The following ACOT7 variants were observed in gnomAD, a reference collection of about 807,000 sequenced individuals.
ACOT7 encodes acyl-CoA thioesterase 7, also known as cytosolic acyl coenzyme A thioester hydrolase.
Under a neutral mutation model 40.2 loss-of-function variants are expected in ACOT7, and 12 were observed. That is an observed-to-expected ratio of 0.30 (90% CI 0.19 to 0.48). The LOEUF (loss-of-function observed/expected upper bound fraction) is 0.48. Among genes scored for constraint, ACOT7 ranks in the 20% least tolerant of loss-of-function variants. The probability of loss-of-function intolerance (pLI) is 0.99; values close to 1 mark genes in which losing one functional copy is unlikely to be tolerated. For missense variants in ACOT7, 395 were observed against 530.8 expected (o/e 0.74, Z 2.51); for synonymous variants, 228 against 219.5 (o/e 1.04, Z -0.34).
intron 1 of ACOT7, chr1:6,360,729 A>C: frequency 6.2e-7 from 1 of 1,606,556 alleles, no homozygotes; most frequent in Non-Finnish European, 8.5e-7. Context: ...CTGGGCCCCA[A>C]TACTGTGCCC....
intron 8 of ACOT7, among the ~76,000 whole-genome samples, chr1:6,269,306 C>A (rs572866550): frequency 4.6e-5 from 7 of 152,206 alleles, no homozygotes; most frequent in Non-Finnish European, 1.0e-4. Context: ...AGCGTGTCCA[C>A]GATGAACCAG....
At position 6,332,061 on chromosome 1, in the gene ACOT7, A is replaced by G. The variant is rs556350613; in HGVS notation, c.510+1416T>C. On this transcript the variant is annotated intron_variant, in intron 4 of 8. Transcript: ENST00000361521. ...GCACCCGGCAAACGCTGGGGAGGGA[A>G]CCAAGGCTGCCGGCAGCGGCAAGAG... Among the ~76,000 whole-genome samples, 460 of 152,272 alleles carry G rather than the reference A, an allele frequency of 3.0e-3. 2 individuals are homozygous for G. Among genetic ancestry groups the G allele is most frequent in the African/African-American group, 9.9e-3 (410 of 41,586 alleles).
intron 1 of ACOT7, among the ~76,000 whole-genome samples, chr1:6,363,698 T>C (rs1233437611): frequency 3.3e-5 from 5 of 152,106 alleles, no homozygotes; most frequent in Non-Finnish European, 5.9e-5. Flanking sequence ...TTACCTATCA[T>C]TGGAGATGAT....
chr1:6,343,387 T>C (rs918825185), intron 2 of ACOT7, among the ~76,000 whole-genome samples: 4 of 152,226 alleles, frequency 2.6e-5, no homozygotes, highest in Admixed American at 2.0e-4. Context: ...TCTGAGCCCT[T>C]TCCCAGGTGA....
chr1:6,308,558 G>A (rs1175774071), intron 6 of ACOT7, among the ~76,000 whole-genome samples: 7 of 150,908 alleles, frequency 4.6e-5, no homozygotes, highest in Admixed American at 4.6e-4. Context: ...GCCACAGGCG[G>A]AGGGAACAGC....
chr1:6,274,523 C>T lies in ACOT7; in HGVS notation c.1014+6579G>A, dbSNP rs1405338805. Among the ~76,000 whole-genome samples, 2 of 152,260 alleles carry T rather than the reference C, an allele frequency of 1.3e-5. No individual in the cohort carries two copies. Among genetic ancestry groups the T allele is most frequent in the Non-Finnish European group, 2.9e-5 (2 of 68,046 alleles). On this transcript the variant is annotated intron_variant, in intron 8 of 8. Transcript: ENST00000361521. This position sits in a 1 kb window ranked among gnomAD's most constrained non-coding sequence, Gnocchi z 5.9. The stretch of plus-strand genomic sequence containing the variant: ...GCGCGGGGCTTACCCGGCCCCTGCA[C>T]TCATGCAGGTGAACCAGCTGAGGCC...
chr1:6,274,956 A>G lies in ACOT7; in HGVS notation c.1014+6146T>C, dbSNP rs956422239. 2.6e-5 allele frequency among the ~76,000 whole-genome samples: 4 copies of G among 152,172 alleles called. No individual in the cohort carries two copies. Among genetic ancestry groups the G allele is most frequent in the African/African-American group, 4.8e-5 (2 of 41,454 alleles). On this transcript the variant is annotated intron_variant, in intron 8 of 8. Coordinates refer to ENST00000361521, the MANE Select transcript of ACOT7 (RefSeq NM_007274.4). This position sits in a 1 kb window ranked among gnomAD's most constrained non-coding sequence, Gnocchi z 5.9. ...GGGAGAAAGCACAGTGGCATCGATG[A>G]CAGCAGTGAGCGGCCCCCTTTCCCA...
chr1:6,332,258 C>T (rs1640976145), intron 4 of ACOT7, among the ~76,000 whole-genome samples: 2 of 152,218 alleles, frequency 1.3e-5, no homozygotes, highest in Non-Finnish European at 2.9e-5. Flanking sequence ...GGTTCCTTCC[C>T]TCTAAGAAGA....
chr1:6,329,335 G>A (rs1257070038), intron 4 of ACOT7, among the ~76,000 whole-genome samples: 1 of 152,198 alleles, frequency 6.6e-6, no homozygotes, highest in Non-Finnish European at 1.5e-5. Context: ...GTTTTAAGTT[G>A]CAGTGGATAA....
At chr1:6,369,399 T>C (rs1642083527) in intron 1 of ACOT7, among the ~76,000 whole-genome samples, 1 of 86,658 alleles carries the variant, frequency 1.2e-5, no homozygotes. Flanking sequence ...AATGCATTTC[T>C]TTTTTTTTTT....
chr1:6,384,508 C>T (rs571437455), intron 1 of ACOT7, among the ~76,000 whole-genome samples: 66 of 151,946 alleles, frequency 4.3e-4, no homozygotes, highest in African/African-American at 1.2e-3. Context: ...TATTCCTAGG[C>T]GAGCTGTTTT....
intron 2 of ACOT7, among the ~76,000 whole-genome samples, chr1:6,341,733 C>G (rs1641283527): frequency 6.6e-6 from 1 of 152,030 alleles, no homozygotes. Flanking sequence ...CAGAGCGAGA[C>G]TCCGTCTCAA....
chr1:6,385,153 G>A (rs902069831), intron 1 of ACOT7, among the ~76,000 whole-genome samples: 1 of 151,852 alleles, frequency 6.6e-6, no homozygotes, highest in Non-Finnish European at 1.5e-5. Flanking sequence ...GACAAAGCAG[G>A]GCACGGATGC....
chr1:6,388,074 G>A (rs1195210675), intron 1 of ACOT7, among the ~76,000 whole-genome samples: 1 of 150,862 alleles, frequency 6.6e-6, no homozygotes, highest in Non-Finnish European at 1.5e-5. Flanking sequence ...CCAAGTAACT[G>A]GGATTACAGG....
chr1:6,277,072 C>A (rs1247929504), intron 8 of ACOT7, among the ~76,000 whole-genome samples: 2 of 152,282 alleles, frequency 1.3e-5, no homozygotes, highest in African/African-American at 2.4e-5. Context: ...ACAGGCGCGG[C>A]CCCAAAAGCC....
chr1:6,341,925 A>G (rs1641288342), intron 2 of ACOT7, among the ~76,000 whole-genome samples: 1 of 152,080 alleles, frequency 6.6e-6, no homozygotes, highest in Admixed American at 6.6e-5. Flanking sequence ...CGCATCTACA[A>G]CCACATGGTG....
At chr1:6,383,422 C>T (rs981658868) in intron 1 of ACOT7, among the ~76,000 whole-genome samples, 2 of 150,812 alleles carry the variant, frequency 1.3e-5, no homozygotes, top group Admixed American at 6.6e-5. Context: ...CTCCTGACCT[C>T]GTGATCCATC....
intron 4 of ACOT7, among the ~76,000 whole-genome samples, chr1:6,329,688 G>A (rs1039575940): frequency 1.9e-4 from 29 of 151,876 alleles, no homozygotes; most frequent in Non-Finnish European, 2.2e-4. Flanking sequence ...ATGATGGCTG[G>A]CACCTAACTC....
chr1:6,292,666 T>A lies in ACOT7; in HGVS notation c.829+2198A>T, dbSNP rs191792516. Among the ~76,000 whole-genome samples the A allele has an allele frequency of 3.6e-5, 5 of 138,054 alleles. No individual in the cohort carries two copies. The South Asian group carries it at 1.1e-3, about 31-fold the overall frequency. 90.6% of individuals were successfully genotyped at this position (138,054 alleles called of 152,430 possible). On this transcript the variant is annotated intron_variant, in intron 7 of 8. Coordinates refer to ENST00000361521, the MANE Select transcript of ACOT7 (RefSeq NM_007274.4). ...CAAGGAGTTAAGGGTGGGGACTTTG[T>A]TTTTTTTTTGTTTTTTTGTGTTTTT...
Sources: allele counts gnomAD v4.1 joint callset (sites outside exome capture counted in the v4.1 genomes callset), GRCh38; gene constraint gnomAD v4.1.1; non-coding constraint Gnocchi (gnomAD v3.1); transcripts MANE v1.5; gene names NCBI Gene and HGNC (gene_info 2026-07-23, HGNC 2026-07-21).